TRAPPC9: variants seen among roughly 807,000 people sequenced by gnomAD.
The protein encoded by TRAPPC9 is trafficking protein particle complex subunit 9.
Under a neutral mutation model 124.0 loss-of-function variants are expected in TRAPPC9, and 83 were observed. The ratio of observed to expected loss-of-function variants is 0.67; its 90% CI spans 0.56 to 0.80. The LOEUF (loss-of-function observed/expected upper bound fraction) is 0.80, where lower values mean the gene tolerates loss of function less well. Among genes scored for constraint, TRAPPC9 ranks in the 30% least tolerant of loss-of-function variants. TRAPPC9 has a pLI of 0.00. For missense variants in TRAPPC9, 1,302 were observed against 1,508.3 expected (o/e 0.86, Z 2.27); for synonymous variants, 638 against 617.5 (o/e 1.03, Z -0.49).
intron 17 of TRAPPC9, among the ~76,000 whole-genome samples, chr8:140,134,308 C>G (rs2061259883): frequency 6.6e-6 from 1 of 151,954 alleles, no homozygotes; most frequent in African/African-American, 2.4e-5. Context: ...GCTCTGTCAC[C>G]CAGGCTAGAA....
intron 7 of TRAPPC9, among the ~76,000 whole-genome samples, chr8:140,374,570 C>CA (rs111455824): frequency 5.5e-4 from 74 of 133,470 alleles, no homozygotes; most frequent in East Asian, 4.0e-3. Flanking sequence ...AACTCCATGT[C>CA]AAAAAAAAAA....
chr8:140,268,820 G>A (rs2064778766), intron 15 of TRAPPC9, among the ~76,000 whole-genome samples: 1 of 152,182 alleles, frequency 6.6e-6, no homozygotes. Flanking sequence ...ACACTTGAGG[G>A]CTGGGGAGAG....
intron 19 of TRAPPC9, among the ~76,000 whole-genome samples, chr8:139,966,727 T>G (rs1835731209): frequency 6.6e-6 from 1 of 152,122 alleles, no homozygotes; most frequent in African/African-American, 2.4e-5. Context: ...GTCTAATAAG[T>G]GCTCAATAAA....
chr8:140,452,280 C>T (rs930953932), intron 1 of TRAPPC9, among the ~76,000 whole-genome samples: 17 of 149,702 alleles, frequency 1.1e-4, no homozygotes, highest in African/African-American at 4.2e-4. Context: ...ATTAGCCCGG[C>T]GTGGTGGCAG....
chr8:139,916,104 C>G (rs1832112101), intron 19 of TRAPPC9, among the ~76,000 whole-genome samples: 2 of 152,312 alleles, frequency 1.3e-5, no homozygotes, highest in African/African-American at 4.8e-5. Flanking sequence ...CTATAAAACA[C>G]ACAATCAAAC....
chr8:139,774,956 G>A (rs534650964), intron 21 of TRAPPC9, among the ~76,000 whole-genome samples: 13 of 152,330 alleles, frequency 8.5e-5, no homozygotes, highest in South Asian at 8.3e-4. Context: ...TGAGCAGAAC[G>A]CCCGGATGGT....
chr8:139,775,294 C>G (rs1821282090), intron 21 of TRAPPC9, among the ~76,000 whole-genome samples: 1 of 152,200 alleles, frequency 6.6e-6, no homozygotes, highest in Admixed American at 6.5e-5. Context: ...TTGCTTGCTT[C>G]TCTAATAAAA....
At chr8:140,021,693 G>A (rs1839847363) in intron 18 of TRAPPC9, among the ~76,000 whole-genome samples, 1 of 152,190 alleles carries the variant, frequency 6.6e-6, no homozygotes, top group Admixed American at 6.5e-5. Flanking sequence ...CTTTGGAAGT[G>A]TCGGCTTAAG....
chr8:139,988,043 A>C (rs759449037), intron 19 of TRAPPC9, among the ~76,000 whole-genome samples: 12 of 151,178 alleles, frequency 7.9e-5, no homozygotes, highest in Non-Finnish European at 1.6e-4. Flanking sequence ...CTGTAGCATT[A>C]ATTCCTCTTG....
chr8:140,397,475 A>G, intron 7 of TRAPPC9, 145 bp downstream of exon 7: 1 of 911,000 alleles, frequency 1.1e-6, no homozygotes, highest in South Asian at 1.4e-5. Context: ...ACAAATAACC[A>G]TGTTAATTAG....
At chr8:140,113,928 G>A (rs892926555) in intron 17 of TRAPPC9, among the ~76,000 whole-genome samples, 5 of 152,130 alleles carry the variant, frequency 3.3e-5, no homozygotes, top group African/African-American at 9.7e-5. Flanking sequence ...CTTCCCACTC[G>A]ATCGGAAAGT....
chr8:139,846,990 A>G (rs1827127992), intron 21 of TRAPPC9, among the ~76,000 whole-genome samples: 1 of 152,236 alleles, frequency 6.6e-6, no homozygotes, highest in Non-Finnish European at 1.5e-5. Flanking sequence ...TCCTTCAATC[A>G]TGCATTCAGT....
At chr8:140,157,468 C>T (rs573061177) in intron 17 of TRAPPC9, among the ~76,000 whole-genome samples, 6 of 152,316 alleles carry the variant, frequency 3.9e-5, no homozygotes, top group South Asian at 2.1e-4. Flanking sequence ...CCACCCTCAA[C>T]GAATGACGAA....
chr8:139,972,710 C>T (rs1004676774), intron 19 of TRAPPC9, among the ~76,000 whole-genome samples: 4 of 152,212 alleles, frequency 2.6e-5, no homozygotes, highest in Non-Finnish European at 2.9e-5. Flanking sequence ...CTCAACTAAG[C>T]CTCAGCATCT....
intron 9 of TRAPPC9, among the ~76,000 whole-genome samples, chr8:140,341,382 C>T (rs2067189089): frequency 1.3e-5 from 2 of 152,290 alleles, no homozygotes; most frequent in South Asian, 2.1e-4. Flanking sequence ...TAGGGGCCTA[C>T]ATAGCTGCCT....
intron 17 of TRAPPC9, among the ~76,000 whole-genome samples, chr8:140,067,289 G>A (rs183532363): frequency 5.3e-5 from 8 of 152,184 alleles, no homozygotes; most frequent in Admixed American, 1.3e-4. Context: ...GACTACAGGC[G>A]TGTGCCACCA....
intron 17 of TRAPPC9, among the ~76,000 whole-genome samples, chr8:140,116,210 C>T (rs532086254): frequency 1.8e-4 from 27 of 152,178 alleles, no homozygotes; most frequent in African/African-American, 5.8e-4. Flanking sequence ...TGAGGAATAA[C>T]GAAAAGGTTT....
intron 11 of TRAPPC9, among the ~76,000 whole-genome samples, chr8:140,292,596 G>C (rs554227221): frequency 8.5e-5 from 13 of 152,332 alleles, no homozygotes; most frequent in African/African-American, 2.9e-4. Context: ...CTGACCCAGA[G>C]CTGGCATGTT....
At chr8:140,329,029 C>T (rs563346322) in intron 9 of TRAPPC9, among the ~76,000 whole-genome samples, 25 of 152,130 alleles carry the variant, frequency 1.6e-4, no homozygotes, top group African/African-American at 5.5e-4. Flanking sequence ...GGTGGAGAGA[C>T]CCAGACTAGG....
Sources: allele counts gnomAD v4.1 joint callset (sites outside exome capture counted in the v4.1 genomes callset), GRCh38; gene constraint gnomAD v4.1.1; transcripts MANE v1.5; gene names NCBI Gene and HGNC (gene_info 2026-07-23, HGNC 2026-07-21).